The following TUBA8 variants were observed in gnomAD, a reference collection of about 807,000 sequenced individuals.
The protein encoded by TUBA8 is tubulin alpha-8 chain.
In TUBA8, 29 loss-of-function variants were observed where a neutral mutation model predicts 34.7. The observed-to-expected ratio is 0.84, with a 90% CI of 0.62 to 1.14. The LOEUF (loss-of-function observed/expected upper bound fraction) is 1.14, where lower values mean the gene tolerates loss of function less well. TUBA8 is among the 50% of genes most tolerant of loss of function. The pLI, the probability that TUBA8 is intolerant of heterozygous loss-of-function variation, is 0.00. For synonymous variants in TUBA8, 226 were observed against 231.2 expected (o/e 0.98, Z 0.21); for missense variants, 541 against 599.2 (o/e 0.90, Z 1.01).
Position 18,131,607 on chromosome 22 carries a change from T to A in TUBA8, c.*471T>A. ...TCATCTAGACTTAGCATGCATTCACTCCCCCATCACATATTCCAATACACA... is the reference window on the plus strand; with the variant it reads ...TCATCTAGACTTAGCATGCATTCACACCCCCATCACATATTCCAATACACA... On this transcript the variant is annotated 3_prime_UTR_variant, in exon 5 of 5. Coordinates refer to ENST00000330423, the MANE Select transcript of TUBA8 (RefSeq NM_018943.3). This position sits in a 1 kb window ranked among gnomAD's most constrained non-coding sequence, Gnocchi z 5.3. 4.7e-6 allele frequency: 1 copy of A among 214,502 alleles called. No individual in the cohort carries two copies. The highest frequency in any genetic ancestry group is 9.4e-6 in the Non-Finnish European group (1 of 105,822). The allele number at this position is 214,502 out of a possible 1,614,324, so 13.3% of individuals were successfully genotyped here.
chr22:18,121,117 G>A lies in TUBA8; in HGVS notation c.4-362G>A, dbSNP rs1040608066. On this transcript the variant is annotated intron_variant, in intron 1 of 4. Transcript: ENST00000330423. This position sits in a 1 kb window ranked among gnomAD's most constrained non-coding sequence, Gnocchi z 4.8. ...ATGCTGCCTTGTGTGGGCGTAGGCT[G>A]AAGGAGAGTTTCTGCCATGATCGCC... The A allele has an allele frequency of 2.8e-5, 9 of 316,178 alleles. No individual in the cohort carries two copies. In the Admixed American group the frequency reaches 3.9e-4, roughly 14 times the overall value. The allele number at this position is 316,178 out of a possible 1,614,324, so 19.6% of individuals were successfully genotyped here.
chr22:18,126,303 G>A lies in TUBA8; in HGVS notation c.376-51G>A. On this transcript the variant is annotated intron_variant, in intron 3 of 4. Coordinates refer to ENST00000330423, the MANE Select transcript of TUBA8 (RefSeq NM_018943.3). The surrounding 1 kb of genome is among the most constrained non-coding windows in gnomAD (Gnocchi z 4.0). ...CGGTCTGGCTTTTTTACTGTGGGGT[G>A]TTCTCGGAAACTTGTCTTCATGATT... is the stretch of plus-strand genomic sequence containing the variant. The A allele has an allele frequency of 6.3e-7, 1 of 1,589,806 alleles. No homozygotes were observed. The highest frequency in any genetic ancestry group is 8.6e-7 in the Non-Finnish European group (1 of 1,158,098).
In TUBA8 at chr22:18,130,879, G is replaced by C. The variant is rs142396178; in HGVS notation, c.1093G>C (p.Gly365Arg). ...INYQPPTVVP[G>R]GDLAKVQRAV... ...CTACCAGCCCCCGACCGTGGTCCCCGGGGGAGACCTGGCCAAGGTGCAGCG... is the reference window on the plus strand; with the variant it reads ...CTACCAGCCCCCGACCGTGGTCCCCCGGGGAGACCTGGCCAAGGTGCAGCG... Residue 365 changes from glycine (G) to arginine (R), a missense_variant, in exon 5 of 5, where the codon GGG (glycine) becomes CGG (arginine). Gly to Arg is a moderately radical substitution (Grantham distance 125). Coordinates refer to ENST00000330423, the MANE Select transcript of TUBA8 (RefSeq NM_018943.3). 7 of 1,614,046 alleles carry C rather than the reference G, an allele frequency of 4.3e-6. No individual in the cohort carries two copies. The highest frequency in any genetic ancestry group is 5.9e-6 in the Non-Finnish European group (7 of 1,180,024).
chr22:18,121,742 A>G lies in TUBA8; in HGVS notation c.226+41A>G. On this transcript the variant is annotated intron_variant, in intron 2 of 4. Transcript: ENST00000330423. The surrounding 1 kb of genome is among the most constrained non-coding windows in gnomAD (Gnocchi z 4.8). ...GTTCCCCTCCACAGAGAACATCTCG[A>G]AACTGCAGAGGCATTGGCCCACAGT... 5.0e-6 allele frequency: 8 copies of G among 1,590,838 alleles called. No homozygotes were observed. The highest frequency in any genetic ancestry group is 6.9e-6 in the Non-Finnish European group (8 of 1,160,814).
Position 18,130,900 on chromosome 22 carries a change from C to T in TUBA8, c.1114C>T (p.Gln372Ter). The change falls in exon 5 of 5, where the codon CAG becomes TAG. Residue 372 changes from glutamine to a stop codon, truncating the protein, a stop_gained. Transcript: ENST00000330423. LOFTEE classifies it high-confidence loss of function. ...CCCCGGGGGAGACCTGGCCAAGGTG[C>T]AGCGGGCCGTCTGCATGCTCAGCAA... ...VVPGGDLAKV[Q>*]RAVCMLSNTT... 6.2e-7 allele frequency: 1 copy of T among 1,614,156 alleles called. No individual in the cohort carries two copies. Among genetic ancestry groups the T allele is most frequent in the African/African-American group, 1.3e-5 (1 of 75,064 alleles).
rs1300151403 is a variant in TUBA8, at chr22:18,111,307, C to T, written c.3+439C>T. ...CGAACCCAGCCTAATGTGACAGGGCCCGGAATGTGACAGAGGACCTAGGGC... is the reference window on the plus strand; with the variant it reads ...CGAACCCAGCCTAATGTGACAGGGCTCGGAATGTGACAGAGGACCTAGGGC... On this transcript the variant is annotated intron_variant, in intron 1 of 4. Coordinates refer to ENST00000330423, the MANE Select transcript of TUBA8 (RefSeq NM_018943.3). This position sits in a 1 kb window ranked among gnomAD's most constrained non-coding sequence, Gnocchi z 5.1. 1 of 207,308 alleles carries T rather than the reference C, an allele frequency of 4.8e-6. No homozygotes were observed. The highest frequency in any genetic ancestry group is 9.7e-6 in the Non-Finnish European group (1 of 102,870). 12.8% of individuals were successfully genotyped at this position (207,308 alleles called of 1,614,324 possible).
At chr22:18,127,394 G>GTTTTTTTTTTT (rs1302279460) in intron 4 of TUBA8, 1 of 146,392 alleles carries the variant, frequency 6.8e-6, no homozygotes, top group Non-Finnish European at 1.4e-5. Flanking sequence ...CGTTAGTTTT[G>GTTTTTTTTTTT]TTTTTTTTTT....
At position 18,126,795 on chromosome 22, in the gene TUBA8, G is replaced by A. The variant is rs940095586; in HGVS notation, c.817G>A (p.Ala273Thr). The change falls in exon 4 of 5, where the codon GCG becomes ACG. Residue 273 changes from alanine (A) to threonine (T), a missense_variant. Physicochemically the swap from Ala to Thr is moderately conservative, Grantham distance 58 (BLOSUM62 0). Transcript: ENST00000330423. The surrounding 1 kb of genome is among the most constrained non-coding windows in gnomAD (Gnocchi z 4.0). ...PRIHFPLVTY[A>T]PIISAEKAYH... ...CATCCACTTCCCGCTGGTCACCTAC[G>A]CGCCCATCATCTCTGCCGAGAAAGC... The A allele has an allele frequency of 1.6e-5, 26 of 1,613,780 alleles. No individual in the cohort carries two copies. The highest frequency in any genetic ancestry group is 8.3e-5 in the Admixed American group (5 of 59,990).
rs148524409 is a variant in TUBA8, at chr22:18,122,295, A to T, written c.226+594A>T. Reference sequence around the variant, plus strand: ...GGTCAACTCTCAGTTGAATATCAGGATTTCCCCAGCTCCAAGCCTGGCTCC... The same window carrying T: ...GGTCAACTCTCAGTTGAATATCAGGTTTTCCCCAGCTCCAAGCCTGGCTCC... On this transcript the variant is annotated intron_variant, in intron 2 of 4. Transcript: ENST00000330423. 1,264 of 154,632 alleles carry T rather than the reference A, an allele frequency of 8.2e-3. 11 individuals are homozygous for T. Among genetic ancestry groups the T allele is most frequent in the Non-Finnish European group, 8.9e-3 (620 of 69,582 alleles). The allele number at this position is 154,632 out of a possible 1,614,324, so 9.6% of individuals were successfully genotyped here. A position where few individuals can be genotyped will look rare whatever the true frequency, so the allele number is the denominator to read the frequency against.
At position 18,111,294 on chromosome 22, in the gene TUBA8, A is replaced by C; in HGVS notation, c.3+426A>C. Reference sequence around the variant, plus strand: ...GCAGTCACGTCTCCGAACCCAGCCTAATGTGACAGGGCCCGGAATGTGACA... The same window carrying C: ...GCAGTCACGTCTCCGAACCCAGCCTCATGTGACAGGGCCCGGAATGTGACA... On this transcript the variant is annotated intron_variant, in intron 1 of 4. Coordinates refer to ENST00000330423, the MANE Select transcript of TUBA8 (RefSeq NM_018943.3). This position sits in a 1 kb window ranked among gnomAD's most constrained non-coding sequence, Gnocchi z 5.1. The C allele has an allele frequency of 8.7e-6, 2 of 229,168 alleles. No individual in the cohort carries two copies. Among genetic ancestry groups the C allele is most frequent in the South Asian group, 1.7e-4 (2 of 11,646 alleles). The allele number at this position is 229,168 out of a possible 1,614,324, so 14.2% of individuals were successfully genotyped here.
chr22:18,128,563 C>G (rs1037846431), intron 4 of TUBA8: 1 of 152,106 alleles, frequency 6.6e-6, no homozygotes, highest in African/African-American at 2.4e-5. Flanking sequence ...TATTTTTCCC[C>G]TGAGATGGAG....
In TUBA8 at chr22:18,111,206, G is replaced by A. The variant is rs1927795015; in HGVS notation, c.3+338G>A. 2.0e-5 allele frequency: 9 copies of A among 454,516 alleles called. No homozygotes were observed. In the South Asian group the frequency reaches 2.7e-4, roughly 14 times the overall value. 28.2% of individuals were successfully genotyped at this position (454,516 alleles called of 1,614,324 possible). On this transcript the variant is annotated intron_variant, in intron 1 of 4. Transcript: ENST00000330423. The surrounding 1 kb of genome is among the most constrained non-coding windows in gnomAD (Gnocchi z 5.1). ...ATGGGCAGCCTGTGGACAGAGTGGA[G>A]AGAAGGGCGAGTCCGGGGATTCTGG...
rs1702738862 is a variant in TUBA8, at chr22:18,124,468, G to T, written c.375+164G>T. ...TAAATTCTGTAAGAAGCATGCACAG[G>T]GGTGATGCCCCTTCCTCTGTGTTGG... On this transcript the variant is annotated intron_variant, in intron 3 of 4. Transcript: ENST00000330423. The surrounding 1 kb of genome is among the most constrained non-coding windows in gnomAD (Gnocchi z 4.3). 2.6e-6 allele frequency: 2 copies of T among 777,990 alleles called. No individual in the cohort carries two copies. The highest frequency in any genetic ancestry group is 1.9e-5 in the South Asian group (1 of 53,394). The allele number at this position is 777,990 out of a possible 1,614,324, so 48.2% of individuals were successfully genotyped here. A position where few individuals can be genotyped will look rare whatever the true frequency, so the allele number is the denominator to read the frequency against.
Position 18,130,918 on chromosome 22 carries a change from C to T in TUBA8, c.1132C>T (p.Leu378Phe). The T allele has an allele frequency of 6.2e-7, 1 of 1,614,160 alleles. No homozygotes were observed. Among genetic ancestry groups the T allele is most frequent in the African/African-American group, 1.3e-5 (1 of 75,046 alleles). The stretch of plus-strand genomic sequence containing the variant: ...CAAGGTGCAGCGGGCCGTCTGCATG[C>T]TCAGCAACACCACGGCCATTGCGGA... ...LAKVQRAVCM[L>F]SNTTAIAEAW... The change falls in exon 5 of 5, where the codon CTC becomes TTC. Residue 378 changes from leucine (L) to phenylalanine (F), a missense_variant. Leu to Phe is a conservative substitution (Grantham distance 22). Transcript: ENST00000330423.
At chr22:18,129,768 T>G (rs1928437768) in intron 4 of TUBA8, 1 of 152,176 alleles carries the variant, frequency 6.6e-6, no homozygotes, top group African/African-American at 2.4e-5. Flanking sequence ...AGACTGGCGA[T>G]TAAAATGTGG....
intron 1 of TUBA8, chr22:18,120,606 C>G (rs1346141283): frequency 1.3e-5 from 2 of 152,164 alleles, no homozygotes; most frequent in Admixed American, 6.6e-5. Flanking sequence ...GTGCAGGTGT[C>G]TTTTTGGTAG....
rs1174289721 is a variant in TUBA8, at chr22:18,110,951, C to CTT, written c.3+83_3+84insTT. 580 of 1,530,636 alleles carry CTT rather than the reference C, an allele frequency of 3.8e-4. No homozygotes were observed. The highest frequency in any genetic ancestry group is 4.8e-4 in the Non-Finnish European group (545 of 1,143,868). The allele number at this position is 1,530,636 out of a possible 1,614,324, so 94.8% of individuals were successfully genotyped here. On this transcript the variant is annotated intron_variant, in intron 1 of 4. Coordinates refer to ENST00000330423, the MANE Select transcript of TUBA8 (RefSeq NM_018943.3). This position sits in a 1 kb window ranked among gnomAD's most constrained non-coding sequence, Gnocchi z 6.2. Reference sequence around the variant, plus strand: ...CCGAGTCTACGCGGAGGCGCACGGACCCGTCTTCCTGGAGCCGCAGGGCTC... The same window carrying CTT: ...CCGAGTCTACGCGGAGGCGCACGGACTTCCGTCTTCCTGGAGCCGCAGGGCTC...
At position 18,119,928 on chromosome 22, in the gene TUBA8, C is replaced by T. The variant is rs901974072; in HGVS notation, c.4-1551C>T. 6.6e-6 allele frequency: 1 copy of T among 152,276 alleles called. No homozygotes were observed. Among genetic ancestry groups the T allele is most frequent in the Admixed American group, 6.5e-5 (1 of 15,284 alleles). The allele number at this position is 152,276 out of a possible 1,614,324, so 9.4% of individuals were successfully genotyped here. A position where few individuals can be genotyped will look rare whatever the true frequency, so the allele number is the denominator to read the frequency against. ...GGAGCTGGAAAATGCCAGGGCAGGTCATGGGTAAAAATAGAAACCCACAGA... is the reference window on the plus strand; with the variant it reads ...GGAGCTGGAAAATGCCAGGGCAGGTTATGGGTAAAAATAGAAACCCACAGA... On this transcript the variant is annotated intron_variant, in intron 1 of 4. Transcript: ENST00000330423. This position sits in a 1 kb window ranked among gnomAD's most constrained non-coding sequence, Gnocchi z 5.9.
chr22:18,110,898 G>T lies in TUBA8; in HGVS notation c.3+30G>T, dbSNP rs768186229. ...GGCTTCCCGGGGCCAGGCGGGCTGC[G>T]GGCGCGCGGCAGGCGTAGGACCGAG... On this transcript the variant is annotated intron_variant, in intron 1 of 4. Coordinates refer to ENST00000330423, the MANE Select transcript of TUBA8 (RefSeq NM_018943.3). The surrounding 1 kb of genome is among the most constrained non-coding windows in gnomAD (Gnocchi z 6.2). 4.5e-6 allele frequency: 7 copies of T among 1,543,788 alleles called. No homozygotes were observed. The African/African-American group carries it at 6.8e-5, about 15-fold the overall frequency.
Sources: gnomAD v4.1 joint callset for allele counts on GRCh38, gnomAD v4.1.1 for gene constraint, Gnocchi (gnomAD v3.1) non-coding constraint, MANE v1.5 for transcripts, NCBI Gene and HGNC (gene_info 2026-07-23, HGNC 2026-07-21) for gene names.